The following ARMH3 variants were observed in gnomAD, a reference collection of about 807,000 sequenced individuals.
The protein encoded by ARMH3 is armadillo like helical domain containing 3.
ARMH3 carries 60 observed loss-of-function variants against 99.1 expected under a neutral mutation model. That is an observed-to-expected ratio of 0.61 (90% confidence interval 0.49 to 0.75). The LOEUF (loss-of-function observed/expected upper bound fraction) is 0.75. Ranked by LOEUF, ARMH3 falls within the 30% of genes least tolerant of loss-of-function variation. The pLI is 0.00. For synonymous variants in ARMH3, 285 were observed against 292.8 expected, an observed-to-expected ratio of 0.97 and a Z score of 0.27; for missense variants, 679 against 843.1, an observed-to-expected ratio of 0.81 and a Z score of 2.41.
At chr10:101,916,254 TG>T (rs1843082791) in intron 23 of ARMH3, among the ~76,000 whole-genome samples, 1 of 152,174 alleles carries the variant, frequency 6.6e-6, no homozygotes, top group African/African-American at 2.4e-5. Flanking sequence ...TGGCTATCAA[TG>T]AGGTCCAAGA....
intron 2 of ARMH3, among the ~76,000 whole-genome samples, chr10:102,036,704 C>T (rs889602519): frequency 1.3e-5 from 2 of 151,922 alleles, no homozygotes; most frequent in Admixed American, 6.6e-5. Context: ...TCACCACTCC[C>T]TAATCTCAAG....
chr10:101,960,688 A>C (rs1018959544), intron 20 of ARMH3, among the ~76,000 whole-genome samples: 1 of 152,004 alleles, frequency 6.6e-6, no homozygotes, highest in African/African-American at 2.4e-5. Flanking sequence ...CAGGAGTTCG[A>C]GACCAGCCCG....
intron 20 of ARMH3, among the ~76,000 whole-genome samples, chr10:101,959,185 T>C (rs975166552): frequency 3.9e-5 from 6 of 152,150 alleles, no homozygotes; most frequent in Non-Finnish European, 7.3e-5. Context: ...AGGGAGCCCA[T>C]TCAGGATCAC....
At chr10:102,035,318 T>C (rs1318596398) in intron 2 of ARMH3, among the ~76,000 whole-genome samples, 3 of 151,822 alleles carry the variant, frequency 2.0e-5, no homozygotes, top group Non-Finnish European at 4.4e-5. Context: ...TGAGCCACGA[T>C]TGTGCCACTA....
chr10:101,999,185 G>GA (rs1485781347), intron 15 of ARMH3, among the ~76,000 whole-genome samples: 4 of 150,932 alleles, frequency 2.7e-5, no homozygotes, highest in South Asian at 4.2e-4. Flanking sequence ...TTGTAATTAG[G>GA]AAAAAAAATC....
intron 19 of ARMH3, among the ~76,000 whole-genome samples, 196 bp from the exon 20 acceptor site, chr10:101,975,496 C>CA (rs1449895691): frequency 1.3e-5 from 2 of 152,066 alleles, no homozygotes; most frequent in African/African-American, 4.8e-5. Flanking sequence ...TTTAGGAGGC[C>CA]AAGGCAGGTA....
chr10:101,951,250 A>G (rs1438073995), intron 22 of ARMH3, among the ~76,000 whole-genome samples: 1 of 152,160 alleles, frequency 6.6e-6, no homozygotes. Flanking sequence ...CATAATCCCA[A>G]TCAAAACTCC....
chr10:101,856,354 T>G (rs1439799751), intron 24 of ARMH3, among the ~76,000 whole-genome samples: 1 of 152,224 alleles, frequency 6.6e-6, no homozygotes, highest in South Asian at 2.1e-4. Context: ...AAGCTTGAAA[T>G]TCAAAGGTCT....
chr10:102,034,993 T>C (rs2067216775), intron 2 of ARMH3, among the ~76,000 whole-genome samples: 1 of 152,148 alleles, frequency 6.6e-6, no homozygotes, highest in Non-Finnish European at 1.5e-5. Context: ...CGTCAGCATT[T>C]TGTAGGGCTG....
chr10:101,979,434 A>C (rs1846140231), intron 19 of ARMH3, among the ~76,000 whole-genome samples: 1 of 152,240 alleles, frequency 6.6e-6, no homozygotes, highest in African/African-American at 2.4e-5. Flanking sequence ...CATAGAGACA[A>C]AAAGTAGATT....
intron 1 of ARMH3, among the ~76,000 whole-genome samples, chr10:102,045,678 A>C (rs2067531904): frequency 6.6e-6 from 1 of 152,172 alleles, no homozygotes; most frequent in Non-Finnish European, 1.5e-5. Context: ...TATAAGAAGA[A>C]TCCAAATATC....
intron 15 of ARMH3, among the ~76,000 whole-genome samples, chr10:101,996,213 AACAG>A (rs1468138001): frequency 1.3e-5 from 2 of 152,256 alleles, no homozygotes; most frequent in East Asian, 3.8e-4. Flanking sequence ...GCATAGCCAA[AACAG>A]ACAAATGGCT....
chr10:101,985,669 G>A (rs1051027183), intron 19 of ARMH3, among the ~76,000 whole-genome samples: 18 of 151,946 alleles, frequency 1.2e-4, no homozygotes, highest in Admixed American at 2.0e-4. Context: ...AGCCATAATC[G>A]TGCCACTGCA....
intron 6 of ARMH3, 94 bp downstream of exon 6, chr10:102,025,062 T>A (rs2066971503): frequency 9.4e-7 from 1 of 1,058,584 alleles, no homozygotes; most frequent in African/African-American, 1.6e-5. Context: ...TTGAGAATAT[T>A]TCTTCTCTTT....
intron 2 of ARMH3, among the ~76,000 whole-genome samples, chr10:102,036,019 A>AC (rs1440754580): frequency 5.1e-5 from 7 of 138,360 alleles, no homozygotes; most frequent in Non-Finnish European, 7.8e-5. Context: ...CCCGGCCGCG[A>AC]CCCCGACTGG....
intron 23 of ARMH3, among the ~76,000 whole-genome samples, chr10:101,902,009 C>G (rs1364361287): frequency 6.6e-6 from 1 of 152,124 alleles, no homozygotes; most frequent in Admixed American, 6.5e-5. Flanking sequence ...AATGAGTTAG[C>G]ACCAAAGCTA....
intron 23 of ARMH3, among the ~76,000 whole-genome samples, chr10:101,898,653 G>A (rs1162855107): frequency 2.0e-5 from 3 of 152,156 alleles, no homozygotes; most frequent in Admixed American, 6.6e-5. Flanking sequence ...AAGGAAGGAG[G>A]AAACATAACT....
chr10:101,910,745 A>AAC (rs1564743513), intron 23 of ARMH3, among the ~76,000 whole-genome samples: 1 of 151,470 alleles, frequency 6.6e-6, no homozygotes, highest in Non-Finnish European at 1.5e-5. Flanking sequence ...AAAAAAAAAA[A>AAC]AACAACAACT....
chr10:102,049,200 T>C (rs1247068470), intron 1 of ARMH3, among the ~76,000 whole-genome samples: 2 of 152,202 alleles, frequency 1.3e-5, no homozygotes, highest in East Asian at 1.9e-4. Context: ...CCCCTTTCTA[T>C]TTTAATGAAT....
Sources: gnomAD v4.1 joint callset for allele counts (sites outside exome capture counted in the v4.1 genomes callset) on GRCh38, gnomAD v4.1.1 for gene constraint, MANE v1.5 for transcripts, NCBI Gene and HGNC (gene_info 2026-07-23, HGNC 2026-07-21) for gene names.